ZNF251: variants seen among roughly 807,000 people sequenced by gnomAD.
The protein encoded by ZNF251 is zinc finger protein 251.
ZNF251 carries 14 observed loss-of-function variants against 13.5 expected under a neutral mutation model. The ratio of observed to expected loss-of-function variants is 1.04; its 90% CI spans 0.69 to 1.63. The LOEUF is 1.63. ZNF251 is among the 40% of genes most tolerant of loss of function. The pLI is 0.00. For synonymous variants in ZNF251, 287 were observed against 295.2 expected (o/e 0.97, Z 0.28); for missense variants, 764 against 834.9 (o/e 0.92, Z 1.05).
intron 1 of ZNF251, chr8:144,755,194 G>A: frequency 8.5e-7 from 1 of 1,169,666 alleles, no homozygotes; most frequent in Non-Finnish European, 1.1e-6. Context: ...CCAGGCTCCG[G>A]GGAGAGGCCG....
At chr8:144,724,533 C>G (rs976535613) in intron 4 of ZNF251, among the ~76,000 whole-genome samples, 1 of 151,934 alleles carries the variant, frequency 6.6e-6, no homozygotes, top group African/African-American at 2.4e-5. Context: ...AATATGTAGC[C>G]AAAAAATTGA....
chr8:144,755,002 G>C lies in ZNF251; in HGVS notation c.-75-199C>G, dbSNP rs986132767. The C allele has an allele frequency of 1.4e-5, 19 of 1,392,388 alleles. No individual in the cohort carries two copies. The East Asian group carries it at 3.5e-4, about 26-fold the overall frequency. 86.3% of individuals were successfully genotyped at this position (1,392,388 alleles called of 1,614,324 possible). A position where few individuals can be genotyped will look rare whatever the true frequency, so the allele number is the denominator to read the frequency against. ...GAGCCAGAGCCCGGGGGGATCCAGG[G>C]ACGCCCGGCTAAGGGGTGAAAGCTG... is the stretch of plus-strand genomic sequence containing the variant. On this transcript the variant is annotated intron_variant, in intron 1 of 4. Transcript: ENST00000292562.
intron 4 of ZNF251, among the ~76,000 whole-genome samples, chr8:144,746,373 T>C (rs770080281): frequency 1.2e-4 from 18 of 152,346 alleles, no homozygotes; most frequent in Non-Finnish European, 2.4e-4. Flanking sequence ...TTTTTATACA[T>C]TGTTGGATTT....
At chr8:144,748,216 G>A (rs1328360554) in intron 4 of ZNF251, among the ~76,000 whole-genome samples, 1 of 151,920 alleles carries the variant, frequency 6.6e-6, no homozygotes, top group Non-Finnish European at 1.5e-5. Flanking sequence ...GGGGATTACA[G>A]GTGCACTCCA....
At chr8:144,723,613 C>A (rs1402291328) in intron 4 of ZNF251, among the ~76,000 whole-genome samples, 1 of 152,192 alleles carries the variant, frequency 6.6e-6, no homozygotes, top group South Asian at 2.1e-4. Context: ...TACGATTTTT[C>A]ACCTATCAAA....
intron 4 of ZNF251, 56 bp downstream of exon 4, chr8:144,753,627 C>A (rs1229129053): frequency 1.4e-6 from 2 of 1,435,550 alleles, no homozygotes; most frequent in Non-Finnish European, 1.9e-6. Flanking sequence ...CGCTTGGAGC[C>A]TCTTAAGGCA....
In ZNF251 at chr8:144,722,737, A is replaced by G; in HGVS notation, c.923T>C (p.Leu308Pro). 1 of 1,614,134 alleles carries G rather than the reference A, an allele frequency of 6.2e-7. No homozygotes were observed. The highest frequency in any genetic ancestry group is 8.5e-7 in the Non-Finnish European group (1 of 1,179,978). ...CGKAFSRSST[L>P]IQHRIIHTGE... ...TGTGTGAATGATCCGATGTTGAATA[A>G]GAGTTGAGCTTCGACTGAAAGCCTT... The change falls in exon 5 of 5, where the codon CTT becomes CCT. Residue 308 changes from leucine to proline, a missense_variant. Physicochemically the swap from Leu to Pro is moderately conservative, Grantham distance 98. Coordinates refer to ENST00000292562, the MANE Select transcript of ZNF251 (RefSeq NM_138367.2). This position sits in a 1 kb window ranked among gnomAD's most constrained non-coding sequence, Gnocchi z 4.8.
chr8:144,732,132 C>G (rs113603245), intron 4 of ZNF251, among the ~76,000 whole-genome samples: 1 of 151,004 alleles, frequency 6.6e-6, no homozygotes, highest in African/African-American at 2.4e-5. Flanking sequence ...TTTGTAAAGA[C>G]GGAGTTTACC....
chr8:144,743,264 A>G (rs898796815), intron 4 of ZNF251, among the ~76,000 whole-genome samples: 1 of 152,094 alleles, frequency 6.6e-6, no homozygotes, highest in Non-Finnish European at 1.5e-5. Context: ...GAGTTTCATC[A>G]TGTTGGCCAG....
At chr8:144,724,903 G>A (rs1823473470) in intron 4 of ZNF251, among the ~76,000 whole-genome samples, 1 of 152,208 alleles carries the variant, frequency 6.6e-6, no homozygotes, top group Non-Finnish European at 1.5e-5. Flanking sequence ...GTACAAGTCG[G>A]TGAAGCCATC....
intron 4 of ZNF251, among the ~76,000 whole-genome samples, chr8:144,728,337 T>C (rs1443491629): frequency 6.6e-6 from 1 of 152,040 alleles, no homozygotes; most frequent in African/African-American, 2.4e-5. Context: ...ACATTAAAGA[T>C]CGCAGATCAC....
At chr8:144,732,556 T>C (rs572403199) in intron 4 of ZNF251, among the ~76,000 whole-genome samples, 2 of 152,218 alleles carry the variant, frequency 1.3e-5, no homozygotes, top group South Asian at 2.1e-4. Flanking sequence ...CTCACGCCTG[T>C]AATCCCAGCA....
At position 144,721,221 on chromosome 8, in the gene ZNF251, G is replaced by A. The variant is rs898536988; in HGVS notation, c.*423C>T. Reference sequence around the variant, plus strand: ...GAGTAAGGCTAAGCGCCCCCAGCAGGCCCAAGTTCTCTGTACCACACTTGG... The same window carrying A: ...GAGTAAGGCTAAGCGCCCCCAGCAGACCCAAGTTCTCTGTACCACACTTGG... On this transcript the variant is annotated 3_prime_UTR_variant, in exon 5 of 5. Coordinates refer to ENST00000292562, the MANE Select transcript of ZNF251 (RefSeq NM_138367.2). The A allele has an allele frequency of 7.2e-5, 16 of 222,622 alleles. No individual in the cohort carries two copies. In the Admixed American group the frequency reaches 7.5e-4, roughly 10 times the overall value. 13.8% of individuals were successfully genotyped at this position (222,622 alleles called of 1,614,324 possible).
intron 4 of ZNF251, among the ~76,000 whole-genome samples, chr8:144,728,110 A>C (rs1211607943): frequency 1.3e-5 from 2 of 151,700 alleles, no homozygotes; most frequent in Non-Finnish European, 2.9e-5. Context: ...GAGGTGTGTG[A>C]CTCTTCCTTT....
Position 144,722,595 on chromosome 8 carries a change from C to A in ZNF251, c.1065G>T (p.Gly355=). 1 of 1,614,050 alleles carries A rather than the reference C, an allele frequency of 6.2e-7. No homozygotes were observed. The part of the protein sequence containing the change: ...GEKPHECSHC[G]KAFSRSSSLI... The stretch of plus-strand genomic sequence containing the variant: ...GGCTGGAGCTTCGACTGAAGGCCTT[C>A]CCACAGTGACTGCATTCATGCGGCT... The change falls in exon 5 of 5, where the codon GGG becomes GGT. Residue 355 remains glycine (G), a synonymous_variant. Transcript: ENST00000292562. This position sits in a 1 kb window ranked among gnomAD's most constrained non-coding sequence, Gnocchi z 4.8.
intron 4 of ZNF251, among the ~76,000 whole-genome samples, chr8:144,746,464 CTGTT>C (rs1242374446): frequency 6.6e-6 from 1 of 152,028 alleles, no homozygotes. Flanking sequence ...CTTGTAATGT[CTGTT>C]TGGTTTTGGC....
chr8:144,743,513 C>G (rs1189255308), intron 4 of ZNF251, among the ~76,000 whole-genome samples: 1 of 152,188 alleles, frequency 6.6e-6, no homozygotes, highest in Non-Finnish European at 1.5e-5. Context: ...ATGAATAAGG[C>G]TGCCGTAAAT....
chr8:144,741,381 C>T (rs961270997), intron 4 of ZNF251, among the ~76,000 whole-genome samples: 1 of 151,562 alleles, frequency 6.6e-6, no homozygotes, highest in African/African-American at 2.4e-5. Flanking sequence ...CTCACACACA[C>T]TCACATGCGT....
rs2129914224 is a variant in ZNF251 at position 144,721,318 on chromosome 8, A to G, written c.*326T>C. 2 of 369,828 alleles carry G rather than the reference A, an allele frequency of 5.4e-6. No homozygotes were observed. The highest frequency in any genetic ancestry group is 1.4e-3 in the Middle Eastern group (2 of 1,440). 22.9% of individuals were successfully genotyped at this position (369,828 alleles called of 1,614,324 possible). On this transcript the variant is annotated 3_prime_UTR_variant, in exon 5 of 5. Transcript: ENST00000292562. ...GGGCCTGGATAGGAAACAAAGGATA[A>G]GACTGGAAGGATGTCAGGTAGGGTA...
Sources: allele counts gnomAD v4.1 joint callset (sites outside exome capture counted in the v4.1 genomes callset), GRCh38; gene constraint gnomAD v4.1.1; non-coding constraint Gnocchi (gnomAD v3.1); transcripts MANE v1.5; gene names NCBI Gene and HGNC (gene_info 2026-07-23, HGNC 2026-07-21).